COX10: variants seen among roughly 807,000 people sequenced by gnomAD.
COX10 encodes the protein protoheme IX farnesyltransferase, mitochondrial.
Under a neutral mutation model 37.3 loss-of-function variants are expected in COX10, and 27 were observed. The observed-to-expected ratio is 0.72, with a 90% CI of 0.53 to 1.00. The LOEUF (loss-of-function observed/expected upper bound fraction) is 1.00. Among genes scored for constraint, COX10 ranks in the 50% least tolerant of loss-of-function variants. The pLI is 0.00. For missense variants in COX10, 475 were observed against 563.2 expected, an observed-to-expected ratio of 0.84 and a Z score of 1.59; for synonymous variants, 222 against 229.1, an observed-to-expected ratio of 0.97 and a Z score of 0.28.
At chr17:14,195,605 C>T (rs1158429921) in intron 6 of COX10, among the ~76,000 whole-genome samples, 1 of 152,156 alleles carries the variant, frequency 6.6e-6, no homozygotes, top group Non-Finnish European at 1.5e-5. Context: ...TTTCATCATC[C>T]TCACATGAAT....
chr17:14,142,765 T>C (rs1197298582), intron 4 of COX10, among the ~76,000 whole-genome samples: 1 of 152,208 alleles, frequency 6.6e-6, no homozygotes, highest in African/African-American at 2.4e-5. Context: ...AAATCTTTTC[T>C]TCCATAGATG....
In COX10 at chr17:14,193,413, A is replaced by G. The variant is rs371522840; in HGVS notation, c.928+1192A>G. Among the ~76,000 whole-genome samples the G allele has an allele frequency of 6.6e-5, 10 of 151,494 alleles. No homozygotes were observed. In the South Asian group the frequency reaches 1.1e-3, roughly 16 times the overall value. ...GGTGAGGGCTCAATTTGGGATCTGTATGCTGTTGTTATCATTCAGGAGTCC... is the reference window on the plus strand; with the variant it reads ...GGTGAGGGCTCAATTTGGGATCTGTGTGCTGTTGTTATCATTCAGGAGTCC... On this transcript the variant is annotated intron_variant, in intron 6 of 6. Coordinates refer to ENST00000261643, the MANE Select transcript of COX10 (RefSeq NM_001303.4).
At chr17:14,197,260 C>T (rs1906394053) in intron 6 of COX10, among the ~76,000 whole-genome samples, 2 of 152,154 alleles carry the variant, frequency 1.3e-5, no homozygotes, top group African/African-American at 4.8e-5. Flanking sequence ...TCGGGAAGTA[C>T]CTTTTCCCCT....
At chr17:14,095,282 C>G (rs142925535) in intron 3 of COX10, among the ~76,000 whole-genome samples, 1 of 152,278 alleles carries the variant, frequency 6.6e-6, no homozygotes, top group South Asian at 2.1e-4. Context: ...ATTTGAAGTA[C>G]TGAATTATGT....
At chr17:14,142,128 C>T (rs927001001) in intron 4 of COX10, among the ~76,000 whole-genome samples, 2 of 152,154 alleles carry the variant, frequency 1.3e-5, no homozygotes, top group African/African-American at 4.8e-5. Context: ...ACCTGCCCTC[C>T]CACTAGCCAG....
intron 6 of COX10, among the ~76,000 whole-genome samples, chr17:14,206,571 C>T (rs1479754753): frequency 6.6e-6 from 1 of 152,116 alleles, no homozygotes; most frequent in Non-Finnish European, 1.5e-5. Context: ...CTCCTGCCCC[C>T]AGGCACACTG....
At chr17:14,188,209 T>G (rs1362357455) in intron 5 of COX10, among the ~76,000 whole-genome samples, 1 of 75,738 alleles carries the variant, frequency 1.3e-5, no homozygotes, top group African/African-American at 3.7e-5. Flanking sequence ...TAGAGTCTCA[T>G]AGGGAAAAAA....
At chr17:14,154,564 T>G (rs1904991923) in intron 4 of COX10, among the ~76,000 whole-genome samples, 1 of 152,148 alleles carries the variant, frequency 6.6e-6, no homozygotes, top group African/African-American at 2.4e-5. Context: ...AGTCAGAAGT[T>G]TAGGCTTCAG....
chr17:14,147,520 G>A (rs554691938), intron 4 of COX10, among the ~76,000 whole-genome samples: 1 of 152,190 alleles, frequency 6.6e-6, no homozygotes, highest in South Asian at 2.1e-4. Flanking sequence ...TGGGGTGGTG[G>A]GGATGGTTAA....
intron 1 of COX10, among the ~76,000 whole-genome samples, chr17:14,074,055 A>G (rs537604361): frequency 3.3e-5 from 5 of 152,338 alleles, no homozygotes; most frequent in African/African-American, 1.2e-4. Flanking sequence ...TAGCGTGGTC[A>G]TTTCAGCATT....
chr17:14,106,445 G>C (rs1401663997), intron 4 of COX10, among the ~76,000 whole-genome samples: 2 of 152,104 alleles, frequency 1.3e-5, no homozygotes, highest in Non-Finnish European at 2.9e-5. Context: ...AATTCTTTTA[G>C]CTAAATCTTT....
intron 4 of COX10, among the ~76,000 whole-genome samples, chr17:14,130,820 C>T (rs184794337): frequency 1.3e-5 from 2 of 151,974 alleles, no homozygotes; most frequent in East Asian, 3.9e-4. Flanking sequence ...TTTTCTTCTC[C>T]TTTGCTCTTC....
intron 3 of COX10, among the ~76,000 whole-genome samples, chr17:14,100,901 A>G (rs1915762184): frequency 6.6e-6 from 1 of 152,096 alleles, no homozygotes; most frequent in Admixed American, 6.6e-5. Flanking sequence ...CTAGAAAATT[A>G]TTTGTTGTTG....
chr17:14,202,459 T>C (rs892562696), intron 6 of COX10, among the ~76,000 whole-genome samples: 34 of 152,172 alleles, frequency 2.2e-4, no homozygotes, highest in East Asian at 1.2e-3. Context: ...GGTGCTAATA[T>C]CTTGTGCCAG....
intron 4 of COX10, among the ~76,000 whole-genome samples, chr17:14,157,845 A>G (rs1376733890): frequency 6.6e-6 from 1 of 152,218 alleles, no homozygotes. Flanking sequence ...ATGCATGTAA[A>G]ATGCTTAACA....
At chr17:14,174,763 A>G (rs527507084) in intron 5 of COX10, among the ~76,000 whole-genome samples, 2 of 151,656 alleles carry the variant, frequency 1.3e-5, no homozygotes, top group East Asian at 3.9e-4. Context: ...AAAATTTACC[A>G]TACAATCCCA....
intron 6 of COX10, among the ~76,000 whole-genome samples, chr17:14,202,988 A>C (rs952571987): frequency 6.6e-6 from 1 of 152,048 alleles, no homozygotes; most frequent in Non-Finnish European, 1.5e-5. Context: ...AGTCACCCGC[A>C]TTGCATTACC....
intron 5 of COX10, among the ~76,000 whole-genome samples, chr17:14,186,878 A>G (rs1213089539): frequency 2.0e-5 from 3 of 151,998 alleles, no homozygotes; most frequent in South Asian, 4.2e-4. Flanking sequence ...CCAACAAATG[A>G]GCCTGAGTAT....
intron 4 of COX10, among the ~76,000 whole-genome samples, chr17:14,110,924 G>A (rs779640691): frequency 3.3e-5 from 5 of 152,052 alleles, no homozygotes; most frequent in African/African-American, 1.2e-4. Flanking sequence ...TTTAAAATTG[G>A]TATCATTGGA....
Sources: gnomAD v4.1 joint callset for allele counts (sites outside exome capture counted in the v4.1 genomes callset) on GRCh38, gnomAD v4.1.1 for gene constraint, MANE v1.5 for transcripts, NCBI Gene and HGNC (gene_info 2026-07-23, HGNC 2026-07-21) for gene names.